SEC24D: variants seen among roughly 807,000 people sequenced by gnomAD.
SEC24D encodes protein transport protein Sec24D.
In SEC24D, 69 loss-of-function variants were observed where a neutral mutation model predicts 116.9. That is an observed-to-expected ratio of 0.59 (90% CI 0.49 to 0.72). SEC24D has a LOEUF of 0.72. Ranked by LOEUF, SEC24D falls within the 30% of genes least tolerant of loss-of-function variation. The probability of loss-of-function intolerance (pLI) is 0.00; values close to 1 mark genes in which losing one functional copy is unlikely to be tolerated. For synonymous variants in SEC24D, 405 were observed against 442.8 expected, an observed-to-expected ratio of 0.91 and a Z score of 1.07; for missense variants, 1,131 against 1,264.1, an observed-to-expected ratio of 0.89 and a Z score of 1.60.
intron 3 of SEC24D, among the ~76,000 whole-genome samples, chr4:118,817,966 G>C (rs967833580): frequency 6.6e-6 from 1 of 151,966 alleles, no homozygotes; most frequent in African/African-American, 2.4e-5. Context: ...GAGTCCAGGA[G>C]GTCAAGACTA....
intron 7 of SEC24D, among the ~76,000 whole-genome samples, chr4:118,803,517 A>G (rs1402067822): frequency 1.3e-5 from 2 of 151,978 alleles, no homozygotes; most frequent in East Asian, 3.9e-4. Context: ...CTGGTTGGTG[A>G]CCTCACATTT....
intron 11 of SEC24D, among the ~76,000 whole-genome samples, chr4:118,757,170 A>G (rs1480503107): frequency 5.3e-5 from 8 of 152,174 alleles, no homozygotes; most frequent in Non-Finnish European, 8.8e-5. Context: ...TATTAGAATT[A>G]GTTTTTCGCC....
At chr4:118,810,435 A>G (rs111881515) in intron 6 of SEC24D, among the ~76,000 whole-genome samples, 2,084 of 152,306 alleles carry the variant, frequency 0.014, 28 homozygotes, top group Middle Eastern at 0.041. Flanking sequence ...GAAGAATCAG[A>G]GATGATCCCC....
intron 8 of SEC24D, among the ~76,000 whole-genome samples, chr4:118,784,526 G>C (rs1728576283): frequency 6.6e-6 from 1 of 152,038 alleles, no homozygotes; most frequent in African/African-American, 2.4e-5. Flanking sequence ...TTACAGTTTA[G>C]GATAAAGGAA....
At chr4:118,742,382 G>GGA (rs373754339) in intron 15 of SEC24D, among the ~76,000 whole-genome samples, 3 of 151,230 alleles carry the variant, frequency 2.0e-5, no homozygotes, top group Non-Finnish European at 4.4e-5. Context: ...GTGGGGGGGG[G>GGA]AAAGCTTCTG....
intron 8 of SEC24D, among the ~76,000 whole-genome samples, chr4:118,781,902 C>T (rs549692759): frequency 1.0e-3 from 153 of 152,250 alleles, no homozygotes; most frequent in African/African-American, 3.5e-3. Flanking sequence ...GCATGCGTCA[C>T]GTAGTTTTCG....
intron 8 of SEC24D, among the ~76,000 whole-genome samples, chr4:118,790,322 C>T (rs1342770585): frequency 6.6e-6 from 1 of 152,116 alleles, no homozygotes; most frequent in African/African-American, 2.4e-5. Flanking sequence ...TACTTAATTG[C>T]ATGTATAATT....
rs779162493 is a variant in SEC24D, at chr4:118,731,376, T to C, written c.2808A>G (p.Pro936=). 6.2e-7 allele frequency: 1 copy of C among 1,614,144 alleles called. No individual in the cohort carries two copies. The highest frequency in any genetic ancestry group is 1.7e-5 in the Admixed American group (1 of 60,018). ...TAAATATTCCTTGGATCAGTTCTGG[T>C]GGGCTGCTTACTCCCAACCACAGGA... is the stretch of plus-strand genomic sequence containing the variant. The part of the protein sequence containing the change: ...HMFLWLGVSS[P]PELIQGIFNV... Residue 936 remains proline, a synonymous_variant, in exon 21 of 23, where the codon CCA becomes CCG. Coordinates refer to ENST00000280551, the MANE Select transcript of SEC24D (RefSeq NM_014822.4).
In SEC24D at chr4:118,794,412, G is replaced by C. The variant is rs750500426; in HGVS notation, c.1041+3271C>G. On this transcript the variant is annotated intron_variant, in intron 8 of 22. Coordinates refer to ENST00000280551, the MANE Select transcript of SEC24D (RefSeq NM_014822.4). ...GGCAAGGAGGGGGTTTTTGCTAGTA[G>C]ATAACTGAAAACCATGCAAACTCAT... Among the ~76,000 whole-genome samples, 35 of 152,264 alleles carry C rather than the reference G, an allele frequency of 2.3e-4. 1 individual carries two copies. Among genetic ancestry groups the C allele is most frequent in the Middle Eastern group, 3.4e-3 (1 of 294 alleles).
intron 7 of SEC24D, among the ~76,000 whole-genome samples, chr4:118,801,060 G>A (rs553451461): frequency 1.6e-4 from 24 of 152,112 alleles, no homozygotes; most frequent in Non-Finnish European, 3.2e-4. Context: ...AGGAGATTGA[G>A]ACCATCTTGG....
intron 10 of SEC24D, among the ~76,000 whole-genome samples, chr4:118,762,951 C>T (rs899417901): frequency 2.0e-5 from 3 of 152,124 alleles, no homozygotes; most frequent in African/African-American, 7.2e-5. Context: ...GATCATGTCA[C>T]TTTTTTGGCA....
At position 118,833,598 on chromosome 4, in the gene SEC24D, C is replaced by A. The variant is rs1301705304; in HGVS notation, c.99G>T (p.Ser33=). Residue 33 remains serine (S), a synonymous_variant, in exon 2 of 23, where the codon TCG becomes TCT. Transcript: ENST00000280551. ...CTGTACCTGTTGGAGATGCTGTGTG[C>A]GACGGATCCCCATAGTGCCCATAAT... The part of the protein sequence containing the change: ...PPHYGHYGDP[S]HTASPTGMMK... The A allele has an allele frequency of 1.2e-6, 2 of 1,611,872 alleles. No individual in the cohort carries two copies. Among genetic ancestry groups the A allele is most frequent in the Admixed American group, 3.3e-5 (2 of 59,886 alleles).
At chr4:118,753,327 C>T (rs375456066) in intron 11 of SEC24D, among the ~76,000 whole-genome samples, 19 of 152,230 alleles carry the variant, frequency 1.2e-4, no homozygotes, top group African/African-American at 3.9e-4. Flanking sequence ...AACAGGACAG[C>T]TGCTTTTATT....
Position 118,728,552 on chromosome 4 carries a change from C to T in SEC24D, c.2958+9G>A, listed in dbSNP as rs1447346794. The T allele has an allele frequency of 1.9e-6, 3 of 1,550,464 alleles. No individual in the cohort carries two copies. Among genetic ancestry groups the T allele is most frequent in the South Asian group, 2.3e-5 (2 of 86,280 alleles). On this transcript the variant is annotated intron_variant, in intron 22 of 22. Coordinates refer to ENST00000280551, the MANE Select transcript of SEC24D (RefSeq NM_014822.4). The stretch of plus-strand genomic sequence containing the variant: ...TTGAATAAAGGGAAAAATAAAATTG[C>T]TTTCTTACCTTCATTGAATATGGCC...
chr4:118,730,253 C>T (rs1022984548), intron 21 of SEC24D: 1 of 152,120 alleles, frequency 6.6e-6, no homozygotes, highest in African/African-American at 2.4e-5. Context: ...TTTTAAATTG[C>T]ATTTATAATC....
chr4:118,791,143 C>T (rs1369070810), intron 8 of SEC24D, among the ~76,000 whole-genome samples: 1 of 151,792 alleles, frequency 6.6e-6, no homozygotes, highest in African/African-American at 2.4e-5. Flanking sequence ...ATTAGATAAA[C>T]GATAGTGCCA....
chr4:118,792,928 G>T (rs891648617), intron 8 of SEC24D, among the ~76,000 whole-genome samples: 30 of 152,074 alleles, frequency 2.0e-4, no homozygotes, highest in Non-Finnish European at 3.2e-4. Context: ...ACATAATTTT[G>T]CTTTTTATAA....
chr4:118,813,266 A>G (rs1729994394), intron 6 of SEC24D, among the ~76,000 whole-genome samples: 2 of 152,248 alleles, frequency 1.3e-5, no homozygotes, highest in African/African-American at 4.8e-5. Flanking sequence ...TGGAGCCACC[A>G]GAAGCTGAAA....
intron 6 of SEC24D, among the ~76,000 whole-genome samples, chr4:118,807,900 G>A (rs540104226): frequency 1.6e-4 from 24 of 152,296 alleles, no homozygotes; most frequent in Admixed American, 5.9e-4. Context: ...CAGAGAAATC[G>A]AAACACTGTA....
Sources: gnomAD v4.1 joint callset for allele counts (sites outside exome capture counted in the v4.1 genomes callset) on GRCh38, gnomAD v4.1.1 for gene constraint, MANE v1.5 for transcripts, NCBI Gene and HGNC (gene_info 2026-07-23, HGNC 2026-07-21) for gene names.